MAP3K19: variants seen among roughly 807,000 people sequenced by gnomAD.
The protein encoded by MAP3K19 is mitogen-activated protein kinase kinase kinase 19.
In MAP3K19, 91 loss-of-function variants were observed where a neutral mutation model predicts 114.4. The observed-to-expected ratio is 0.80, with a 90% CI of 0.67 to 0.95. The LOEUF is 0.95. Among genes scored for constraint, MAP3K19 ranks in the 40% least tolerant of loss-of-function variants. MAP3K19 has a pLI of 0.00. For synonymous variants in MAP3K19, 518 were observed against 530.5 expected (o/e 0.98, Z 0.32); for missense variants, 1,471 against 1,573.2 (o/e 0.94, Z 1.10).
chr2:134,995,247 C>T (rs1361966190), intron 8 of MAP3K19, among the ~76,000 whole-genome samples: 1 of 148,900 alleles, frequency 6.7e-6, no homozygotes, highest in Non-Finnish European at 1.5e-5. Flanking sequence ...GCCCAGAAGA[C>T]GGAGGCTGCA....
In MAP3K19 at chr2:134,986,190, A is replaced by G. The variant is rs755305616; in HGVS notation, c.2682T>C (p.Asp894=). The part of the protein sequence containing the change: ...SRILTNDLEF[D]SVSDHSKTLT... ...GTGTTTTAGAGTGATCTGAAACACT[A>G]TCAAACTCTAGATCATTAGTTAAAA... Residue 894 remains aspartate, a synonymous_variant, in exon 10 of 13, where the codon GAT becomes GAC. Coordinates refer to ENST00000392915, the MANE Select transcript of MAP3K19 (RefSeq NM_025052.5). 2.5e-5 allele frequency: 40 copies of G among 1,613,698 alleles called. No homozygotes were observed. In the South Asian group the frequency reaches 3.0e-4, roughly 12 times the overall value.
At chr2:134,982,119 T>C (rs1006540556) in intron 11 of MAP3K19, among the ~76,000 whole-genome samples, 86 of 138,752 alleles carry the variant, frequency 6.2e-4, no homozygotes, top group Non-Finnish European at 6.1e-4. Context: ...CTTTCTTTTT[T>C]TTTTTTTTTT....
rs939206922 is a variant in MAP3K19 at position 134,983,958 on chromosome 2, C to T, written c.3073-133G>A. ...CTCTTACAGGTAACTTCTAGAGACA[C>T]ATCATTCCCCCAAATGACCACATAG... On this transcript the variant is annotated intron_variant, in intron 10 of 12. Transcript: ENST00000392915. 8.6e-6 allele frequency: 5 copies of T among 580,414 alleles called. No individual in the cohort carries two copies. The African/African-American group carries it at 9.6e-5, about 11-fold the overall frequency. 36.0% of individuals were successfully genotyped at this position (580,414 alleles called of 1,614,324 possible). A position where few individuals can be genotyped will look rare whatever the true frequency, so the allele number is the denominator to read the frequency against.
intron 2 of MAP3K19, among the ~76,000 whole-genome samples, chr2:135,036,032 C>T (rs1289362426): frequency 6.6e-6 from 1 of 152,048 alleles, no homozygotes; most frequent in African/African-American, 2.4e-5. Context: ...CGGGGTTTCT[C>T]CATGTTGGTC....
At position 134,988,253 on chromosome 2, in the gene MAP3K19, A is replaced by C; in HGVS notation, c.619T>G (p.Phe207Val). 6.5e-7 allele frequency: 1 copy of C among 1,544,928 alleles called. No individual in the cohort carries two copies. The highest frequency in any genetic ancestry group is 8.7e-7 in the Non-Finnish European group (1 of 1,155,440). ...AAGAGTGACAGTGGTGGCAGAAGGA[A>C]CTAAAAGGAAGACAGAAAAAGCTGT... ...HMKYSGRSIK[F>V]LLPPLSLLPT... The change falls in exon 10 of 13, where the codon TTC becomes GTC. Residue 207 changes from phenylalanine (F) to valine (V), a missense_variant and splice_region_variant. Physicochemically the swap from Phe to Val is conservative, Grantham distance 50. Coordinates refer to ENST00000392915, the MANE Select transcript of MAP3K19 (RefSeq NM_025052.5).
intron 11 of MAP3K19, among the ~76,000 whole-genome samples, chr2:134,981,943 G>A (rs1046648971): frequency 1.4e-5 from 2 of 140,714 alleles, no homozygotes; most frequent in Non-Finnish European, 3.1e-5. Flanking sequence ...CCAGGCTGGA[G>A]TGCATTGGCA....
chr2:135,009,702 C>T (rs1687080520), intron 5 of MAP3K19, among the ~76,000 whole-genome samples: 1 of 151,890 alleles, frequency 6.6e-6, no homozygotes, highest in South Asian at 2.1e-4. Flanking sequence ...ATAATGATGA[C>T]TAGCATTTAC....
chr2:134,997,594 G>C (rs1686092033), intron 8 of MAP3K19, among the ~76,000 whole-genome samples: 2 of 152,062 alleles, frequency 1.3e-5, no homozygotes, highest in African/African-American at 4.8e-5. Flanking sequence ...GCCAAGGTGG[G>C]AGGATCACGA....
At chr2:134,992,870 G>A (rs1228735960) in intron 8 of MAP3K19, among the ~76,000 whole-genome samples, 3 of 151,678 alleles carry the variant, frequency 2.0e-5, no homozygotes, top group African/African-American at 7.3e-5. Context: ...TAGTAGACAC[G>A]GGGTTTCACT....
At chr2:135,013,202 C>A (rs563721384) in intron 5 of MAP3K19, among the ~76,000 whole-genome samples, 40 of 151,932 alleles carry the variant, frequency 2.6e-4, no homozygotes, top group Non-Finnish European at 4.9e-4. Context: ...TGCCTGTAAC[C>A]CCAGTTACTC....
intron 12 of MAP3K19, among the ~76,000 whole-genome samples, chr2:134,966,948 A>C (rs964646730): frequency 2.7e-5 from 4 of 150,292 alleles, no homozygotes; most frequent in Non-Finnish European, 3.0e-5. Context: ...GAAAGGAAAG[A>C]CATAAGAGAC....
intron 2 of MAP3K19, among the ~76,000 whole-genome samples, chr2:135,038,177 T>C (rs528268081): frequency 3.3e-5 from 5 of 152,230 alleles, no homozygotes; most frequent in Admixed American, 3.3e-4. Context: ...CATCATTGTT[T>C]GTAATGACAA....
chr2:135,028,575 T>A (rs912317383), intron 3 of MAP3K19, among the ~76,000 whole-genome samples: 11 of 149,680 alleles, frequency 7.3e-5, no homozygotes, highest in Admixed American at 2.7e-4. Context: ...AAAAAAAAAA[T>A]TTAAAAAAAA....
intron 6 of MAP3K19, among the ~76,000 whole-genome samples, chr2:135,000,746 G>A (rs943359603): frequency 6.6e-6 from 1 of 152,220 alleles, no homozygotes; most frequent in South Asian, 2.1e-4. Context: ...TGTGGGAGCA[G>A]AGAGGCGTGT....
intron 5 of MAP3K19, among the ~76,000 whole-genome samples, chr2:135,005,877 G>C (rs890601891): frequency 2.0e-5 from 3 of 152,182 alleles, no homozygotes; most frequent in Admixed American, 2.0e-4. Context: ...TTTGGCCACA[G>C]TCACAGTGAA....
intron 3 of MAP3K19, among the ~76,000 whole-genome samples, chr2:135,026,122 A>G (rs1207983132): frequency 4.6e-5 from 7 of 152,238 alleles, no homozygotes; most frequent in Non-Finnish European, 8.8e-5. Flanking sequence ...TGGGGTTGCC[A>G]CTACCTTGAT....
In MAP3K19 at chr2:134,987,583, G is replaced by C; in HGVS notation, c.1289C>G (p.Pro430Arg). The change falls in exon 10 of 13, where the codon CCA becomes CGA. Residue 430 changes from proline (P) to arginine (R), a missense_variant. Transcript: ENST00000392915. ...VSLHKNEAME[P>R]NNILEECTVL... is the part of the protein sequence containing the mutation. ...AGTACACTCTTCTAAAATATTGTTTGGTTCCATTGCTTCATTTTTATGTAA... is the reference window on the plus strand; with the variant it reads ...AGTACACTCTTCTAAAATATTGTTTCGTTCCATTGCTTCATTTTTATGTAA... 1 of 1,613,948 alleles carries C rather than the reference G, an allele frequency of 6.2e-7. No homozygotes were observed. Among genetic ancestry groups the C allele is most frequent in the Non-Finnish European group, 8.5e-7 (1 of 1,179,940 alleles).
intron 12 of MAP3K19, among the ~76,000 whole-genome samples, chr2:134,974,713 TG>T (rs1335370014): frequency 6.6e-6 from 1 of 152,162 alleles, no homozygotes; most frequent in East Asian, 1.9e-4. Context: ...TTTGTCTGAA[TG>T]GGTTATTTCA....
chr2:135,025,065 TG>T lies in MAP3K19; in HGVS notation c.-94-325del, dbSNP rs558097401. ...AAGTAAAGATAAAAACATCTTTTGT[TG>T]TTTTTTTTTATATTTTTAAATTTTT... On this transcript the variant is annotated intron_variant, in intron 3 of 12. Coordinates refer to ENST00000392915, the MANE Select transcript of MAP3K19 (RefSeq NM_025052.5). Among the ~76,000 whole-genome samples, 28 of 152,214 alleles carry T rather than the reference TG, an allele frequency of 1.8e-4. No homozygotes were observed. The South Asian group carries it at 5.0e-3, about 27-fold the overall frequency.
Sources: gnomAD v4.1 joint callset for allele counts (sites outside exome capture counted in the v4.1 genomes callset) on GRCh38, gnomAD v4.1.1 for gene constraint, MANE v1.5 for transcripts, NCBI Gene and HGNC (gene_info 2026-07-23, HGNC 2026-07-21) for gene names.